Variants in NKAIN3 observed in about 807,000 individuals in gnomAD.
NKAIN3 encodes sodium/potassium-transporting ATPase subunit beta-1-interacting protein 3.
In NKAIN3, 25 loss-of-function variants were observed where a neutral mutation model predicts 30.2. The ratio of observed to expected loss-of-function variants is 0.83; its 90% CI spans 0.60 to 1.16. The LOEUF (loss-of-function observed/expected upper bound fraction) is 1.16, where lower values mean the gene tolerates loss of function less well. NKAIN3 is among the 50% of genes most tolerant of loss of function. NKAIN3 has a pLI of 0.00. For synonymous variants in NKAIN3, 91 were observed against 89.6 expected, an observed-to-expected ratio of 1.02 and a Z score of -0.09; for missense variants, 225 against 254.1, an observed-to-expected ratio of 0.89 and a Z score of 0.78.
intron 5 of NKAIN3, among the ~76,000 whole-genome samples, chr8:62,921,033 G>T (rs1217739561): frequency 6.6e-6 from 1 of 152,134 alleles, no homozygotes; most frequent in African/African-American, 2.4e-5. Context: ...GAAGCCAATT[G>T]CAATGATCTC....
chr8:62,266,473 A>G (rs1454413708), intron 1 of NKAIN3, among the ~76,000 whole-genome samples: 2 of 152,236 alleles, frequency 1.3e-5, no homozygotes, highest in Non-Finnish European at 2.9e-5. Context: ...GATTATTTTA[A>G]ATAGATATTA....
intron 1 of NKAIN3, among the ~76,000 whole-genome samples, chr8:62,441,061 A>C (rs965615956): frequency 1.3e-5 from 2 of 152,082 alleles, no homozygotes; most frequent in African/African-American, 4.8e-5. Flanking sequence ...TTTGTTTGCT[A>C]TCCTATTTCT....
chr8:62,715,978 G>A (rs1342539917), intron 3 of NKAIN3, among the ~76,000 whole-genome samples: 1 of 152,158 alleles, frequency 6.6e-6, no homozygotes, highest in Non-Finnish European at 1.5e-5. Flanking sequence ...AGAGAACAGG[G>A]AGCAAGGCAG....
chr8:62,823,315 G>T (rs1339588188), intron 4 of NKAIN3, among the ~76,000 whole-genome samples: 1 of 152,054 alleles, frequency 6.6e-6, no homozygotes, highest in Non-Finnish European at 1.5e-5. Context: ...TGACCAATAT[G>T]TCATATGCAG....
intron 4 of NKAIN3, among the ~76,000 whole-genome samples, chr8:62,889,032 A>G (rs1049761053): frequency 6.6e-6 from 1 of 152,208 alleles, no homozygotes; most frequent in African/African-American, 2.4e-5. Flanking sequence ...GCAAAGTTAC[A>G]AAGAAAAATA....
rs552047251 is a variant in NKAIN3, at chr8:62,904,451, A to G, written c.472-14002A>G. ...ACTTCATCCATCTGTTGAAGATGGTATTATATAATCATTGGCTTGTTCTCA... is the reference window on the plus strand; with the variant it reads ...ACTTCATCCATCTGTTGAAGATGGTGTTATATAATCATTGGCTTGTTCTCA... On this transcript the variant is annotated intron_variant, in intron 4 of 6. Transcript: ENST00000623646. Among the ~76,000 whole-genome samples, 8 of 152,302 alleles carry G rather than the reference A, an allele frequency of 5.3e-5. No individual in the cohort carries two copies. In the South Asian group the frequency reaches 1.7e-3, roughly 32 times the overall value.
chr8:62,872,839 C>T (rs1820688120), intron 4 of NKAIN3, among the ~76,000 whole-genome samples: 1 of 152,136 alleles, frequency 6.6e-6, no homozygotes, highest in African/African-American at 2.4e-5. Context: ...TACCACCAGG[C>T]CTGCTCTTCA....
At chr8:62,925,378 GA>G (rs994313548) in intron 5 of NKAIN3, among the ~76,000 whole-genome samples, 4 of 151,588 alleles carry the variant, frequency 2.6e-5, no homozygotes, top group South Asian at 2.1e-4. Flanking sequence ...TGTACCACAG[GA>G]AAAAAAATGA....
intron 2 of NKAIN3, among the ~76,000 whole-genome samples, chr8:62,587,474 A>C (rs1405291543): frequency 6.6e-6 from 1 of 151,980 alleles, no homozygotes; most frequent in African/African-American, 2.4e-5. Context: ...TTTGAGGTAA[A>C]CTGGTAATTT....
chr8:62,506,378 T>C (rs1807639513), intron 1 of NKAIN3, among the ~76,000 whole-genome samples: 1 of 152,140 alleles, frequency 6.6e-6, no homozygotes. Context: ...CAACAAAGAT[T>C]ACATTTCCTT....
At chr8:62,912,950 C>T (rs1304604873) in intron 4 of NKAIN3, among the ~76,000 whole-genome samples, 3 of 152,098 alleles carry the variant, frequency 2.0e-5, no homozygotes, top group Non-Finnish European at 4.4e-5. Flanking sequence ...CAAACACACA[C>T]ATTAGCCTCA....
At chr8:62,788,331 G>A (rs1817588841) in intron 4 of NKAIN3, among the ~76,000 whole-genome samples, 2 of 152,156 alleles carry the variant, frequency 1.3e-5, no homozygotes, top group Non-Finnish European at 2.9e-5. Flanking sequence ...CTGCATAAAT[G>A]TCTTCTTTTG....
rs1820516974 is a variant in NKAIN3 at position 62,869,268 on chromosome 8, G to A, written c.472-49185G>A. Among the ~76,000 whole-genome samples the A allele has an allele frequency of 2.0e-5, 3 of 152,120 alleles. No homozygotes were observed. In the South Asian group the frequency reaches 6.2e-4, roughly 32 times the overall value. On this transcript the variant is annotated intron_variant, in intron 4 of 6. Coordinates refer to ENST00000623646, the MANE Select transcript of NKAIN3 (RefSeq NM_001304533.3). ...TATCAACCCGTCATCTAGGCTTTAAGCCCAGCATGCATTAGATATTTGTCC... is the reference window on the plus strand; with the variant it reads ...TATCAACCCGTCATCTAGGCTTTAAACCCAGCATGCATTAGATATTTGTCC...
intron 3 of NKAIN3, among the ~76,000 whole-genome samples, chr8:62,654,627 T>C (rs958488541): frequency 1.3e-5 from 2 of 152,196 alleles, no homozygotes; most frequent in Non-Finnish European, 2.9e-5. Flanking sequence ...GTCCTTGAAG[T>C]TGAACTTTAT....
chr8:62,878,810 C>T (rs1225990783), intron 4 of NKAIN3, among the ~76,000 whole-genome samples: 1 of 151,940 alleles, frequency 6.6e-6, no homozygotes, highest in African/African-American at 2.4e-5. Flanking sequence ...TGGTTTCCAG[C>T]TTCATCCATG....
intron 1 of NKAIN3, among the ~76,000 whole-genome samples, chr8:62,284,196 A>C (rs1457468887): frequency 6.6e-6 from 1 of 152,176 alleles, no homozygotes; most frequent in Non-Finnish European, 1.5e-5. Context: ...TCTGGCTCAC[A>C]AAAGTATGTT....
intron 3 of NKAIN3, among the ~76,000 whole-genome samples, chr8:62,656,819 T>C (rs972989421): frequency 6.6e-6 from 1 of 152,160 alleles, no homozygotes; most frequent in Admixed American, 6.5e-5. Context: ...AAACCTGTAA[T>C]GGTGTCCTGA....
rs373082448 is a variant in NKAIN3, at chr8:62,755,321, G to A, written c.471+8192G>A. Among the ~76,000 whole-genome samples the A allele has an allele frequency of 5.8e-4, 88 of 152,274 alleles. 2 individuals carry two copies. In the South Asian group the frequency reaches 0.018, roughly 30 times the overall value. ...AACTCTGTCAGATCCATAAAGCTAT[G>A]AATCTCCTGTTAGGCTGATGGGATT... On this transcript the variant is annotated intron_variant, in intron 4 of 6. Coordinates refer to ENST00000623646, the MANE Select transcript of NKAIN3 (RefSeq NM_001304533.3).
chr8:62,698,000 C>A (rs902862860), intron 3 of NKAIN3, among the ~76,000 whole-genome samples: 7 of 152,056 alleles, frequency 4.6e-5, no homozygotes, highest in Non-Finnish European at 7.4e-5. Context: ...ATTTTGTTAA[C>A]CTTTTTAAAT....
Sources: allele counts gnomAD v4.1 joint callset (sites outside exome capture counted in the v4.1 genomes callset), GRCh38; gene constraint gnomAD v4.1.1; transcripts MANE v1.5; gene names NCBI Gene and HGNC (gene_info 2026-07-23, HGNC 2026-07-21).